Variants in SLC16A12 observed in about 807,000 individuals in gnomAD.
SLC16A12 encodes monocarboxylate transporter 12.
In SLC16A12, 17 loss-of-function variants were observed where a neutral mutation model predicts 42.4. The observed-to-expected ratio is 0.40, with a 90% CI of 0.27 to 0.60. The LOEUF is 0.60. Among genes scored for constraint, SLC16A12 ranks in the 20% least tolerant of loss-of-function variants. The pLI is 0.42. For synonymous variants in SLC16A12, 224 were observed against 229.4 expected (o/e 0.98, Z 0.21); for missense variants, 544 against 623.0 (o/e 0.87, Z 1.35).
Position 89,455,646 on chromosome 10 carries a change from A to G in SLC16A12, c.200+6733T>C, listed in dbSNP as rs190312258. ...TGAACACAGGCATGATATTAAATAAATGAAATTTTATTGGGAGCATGTGTG... is the reference window on the plus strand; with the variant it reads ...TGAACACAGGCATGATATTAAATAAGTGAAATTTTATTGGGAGCATGTGTG... On this transcript the variant is annotated intron_variant, in intron 3 of 7. Transcript: ENST00000371790. 4.3e-4 allele frequency among the ~76,000 whole-genome samples: 65 copies of G among 152,302 alleles called. No individual in the cohort carries two copies. In the East Asian group the frequency reaches 0.01, roughly 24 times the overall value.
At chr10:89,506,244 T>G (rs143126709) in intron 2 of SLC16A12, among the ~76,000 whole-genome samples, 1 of 152,144 alleles carries the variant, frequency 6.6e-6, no homozygotes, top group African/African-American at 2.4e-5. Flanking sequence ...GACTGCCTCC[T>G]CAACTGGGTC....
At chr10:89,486,659 G>GAAAGA (rs1407078664) in intron 2 of SLC16A12, among the ~76,000 whole-genome samples, 2 of 46,544 alleles carry the variant, frequency 4.3e-5, no homozygotes, top group African/African-American at 9.9e-5. Flanking sequence ...AAGAAAGAAA[G>GAAAGA]AAAGAAAAGA....
At chr10:89,463,929 C>T (rs1202780003) in intron 2 of SLC16A12, among the ~76,000 whole-genome samples, 1 of 152,186 alleles carries the variant, frequency 6.6e-6, no homozygotes, top group Non-Finnish European at 1.5e-5. Context: ...AATCCCTTCC[C>T]TTGAGCGTGG....
At chr10:89,458,387 C>T (rs1842234797) in intron 3 of SLC16A12, among the ~76,000 whole-genome samples, 1 of 152,132 alleles carries the variant, frequency 6.6e-6, no homozygotes, top group Admixed American at 6.5e-5. Flanking sequence ...GGTCTATTTA[C>T]CTGTCTGAAA....
intron 2 of SLC16A12, among the ~76,000 whole-genome samples, chr10:89,541,473 T>G (rs1843715883): frequency 6.6e-6 from 1 of 152,166 alleles, no homozygotes. Flanking sequence ...GGTGAGCACC[T>G]GTAACCCCAG....
intron 2 of SLC16A12, among the ~76,000 whole-genome samples, chr10:89,533,473 A>G (rs1843592245): frequency 1.3e-5 from 2 of 152,204 alleles, no homozygotes; most frequent in Non-Finnish European, 1.5e-5. Context: ...AATGTTAAAT[A>G]AGTCACTTTG....
intron 3 of SLC16A12, among the ~76,000 whole-genome samples, chr10:89,460,666 A>T (rs534272977): frequency 2.0e-5 from 3 of 149,422 alleles, no homozygotes; most frequent in Non-Finnish European, 4.4e-5. Flanking sequence ...AATCGCTTGA[A>T]TCTGGGAGGC....
At chr10:89,472,675 T>A (rs1435883949) in intron 2 of SLC16A12, among the ~76,000 whole-genome samples, 1 of 151,858 alleles carries the variant, frequency 6.6e-6, no homozygotes, top group Non-Finnish European at 1.5e-5. Context: ...GTATTTTTAG[T>A]AGCGATGGGA....
At chr10:89,516,769 T>C (rs933629341) in intron 2 of SLC16A12, among the ~76,000 whole-genome samples, 5 of 152,252 alleles carry the variant, frequency 3.3e-5, no homozygotes, top group Admixed American at 3.3e-4. Context: ...CACTTCTTTT[T>C]TGGACTAACG....
intron 2 of SLC16A12, among the ~76,000 whole-genome samples, chr10:89,482,952 T>A (rs1044193620): frequency 1.3e-5 from 2 of 152,202 alleles, no homozygotes; most frequent in Non-Finnish European, 2.9e-5. Flanking sequence ...TGAATCTGTA[T>A]TAGTCTACTC....
intron 3 of SLC16A12, among the ~76,000 whole-genome samples, chr10:89,447,582 A>G (rs1842025655): frequency 6.6e-6 from 1 of 152,258 alleles, no homozygotes; most frequent in African/African-American, 2.4e-5. Flanking sequence ...ACAATGTACC[A>G]GAATGTCTGG....
intron 2 of SLC16A12, among the ~76,000 whole-genome samples, chr10:89,524,989 G>A (rs999277150): frequency 1.3e-5 from 2 of 152,040 alleles, no homozygotes; most frequent in African/African-American, 2.4e-5. Context: ...AGGCTGAGGC[G>A]GGTGGATTGC....
At chr10:89,492,354 A>G (rs942618113) in intron 2 of SLC16A12, among the ~76,000 whole-genome samples, 1 of 152,138 alleles carries the variant, frequency 6.6e-6, no homozygotes, top group Non-Finnish European at 1.5e-5. Flanking sequence ...TCCCTTTTAT[A>G]TGTCGCCCGA....
At chr10:89,554,044 GAAAGAAAGAAA>G (rs1564607091) in intron 2 of SLC16A12, among the ~76,000 whole-genome samples, 22 of 50,082 alleles carry the variant, frequency 4.4e-4, no homozygotes, top group African/African-American at 1.7e-3. Flanking sequence ...AAGAAAGAAA[GAAAGAAAGAAA>G]GAAAGAAAGA....
At position 89,472,992 on chromosome 10, in the gene SLC16A12, AT is replaced by A. The variant is rs530643710; in HGVS notation, c.-46-10369del. ...ACCACCACATCTAACCAATTTTTGT[AT>A]TTTTTTGTAGAGATGAGGTTTCACT... is the stretch of plus-strand genomic sequence containing the variant. On this transcript the variant is annotated intron_variant, in intron 2 of 7. Coordinates refer to ENST00000371790, the MANE Select transcript of SLC16A12 (RefSeq NM_213606.4). Among the ~76,000 whole-genome samples the A allele has an allele frequency of 1.8e-3, 276 of 151,314 alleles. 1 individual carries two copies. The highest frequency in any genetic ancestry group is 6.4e-3 in the African/African-American group (264 of 41,254).
chr10:89,517,437 A>G (rs967204620), intron 2 of SLC16A12, among the ~76,000 whole-genome samples: 1 of 151,850 alleles, frequency 6.6e-6, no homozygotes, highest in African/African-American at 2.4e-5. Context: ...CAGCCTCCCA[A>G]GTAGGTAGGA....
Position 89,462,625 on chromosome 10 carries a change from C to A in SLC16A12, c.-46-1G>T, listed in dbSNP as rs1227904685. The A allele has an allele frequency of 1.3e-6, 2 of 1,540,352 alleles. No individual in the cohort carries two copies. The highest frequency in any genetic ancestry group is 1.7e-6 in the Non-Finnish European group (2 of 1,150,668). On this transcript the variant is annotated splice_acceptor_variant, in intron 2 of 7. Transcript: ENST00000371790. LOFTEE classifies it low-confidence loss of function (5UTR_SPLICE). ...ACCTGGCCCATGGGTTACTCGCCAT[C>A]TAAAACCAAAAATCAGGACATATTT...
intron 6 of SLC16A12, among the ~76,000 whole-genome samples, chr10:89,436,914 A>AAGAAAGAAAGAGAGAAAGAAAAAG (rs796398100): frequency 7.3e-6 from 1 of 136,462 alleles, no homozygotes; most frequent in African/African-American, 2.8e-5. Context: ...GAAAGAAAGA[A>AAGAAAGAAAGAGAGAAAGAAAAAG]AAAGAAAGAG....
chr10:89,437,144 A>G lies in SLC16A12; in HGVS notation c.1029-825T>C, dbSNP rs75177190. ...ATAGATCATAAATACTCAATAACCC[A>G]AGTGGTTACACAAAGGGGAAACTGT... On this transcript the variant is annotated intron_variant, in intron 6 of 7. Coordinates refer to ENST00000371790, the MANE Select transcript of SLC16A12 (RefSeq NM_213606.4). Among the ~76,000 whole-genome samples the G allele has an allele frequency of 7.9e-3, 1,200 of 152,316 alleles. 20 individuals are homozygous for G. Among genetic ancestry groups the G allele is most frequent in the African/African-American group, 0.028 (1,155 of 41,558 alleles).
Sources: allele counts gnomAD v4.1 joint callset (sites outside exome capture counted in the v4.1 genomes callset), GRCh38; gene constraint gnomAD v4.1.1; transcripts MANE v1.5; gene names NCBI Gene and HGNC (gene_info 2026-07-23, HGNC 2026-07-21).